MYRIP: variants seen among roughly 807,000 people sequenced by gnomAD.
MYRIP encodes myosin VIIA and Rab interacting protein.
MYRIP carries 49 observed loss-of-function variants against 98.0 expected under a neutral mutation model. That is an observed-to-expected ratio of 0.50 (90% CI 0.40 to 0.63). The LOEUF (loss-of-function observed/expected upper bound fraction) is 0.63. Ranked by LOEUF, MYRIP falls within the 30% of genes least tolerant of loss-of-function variation. The probability of loss-of-function intolerance (pLI) is 0.00; values close to 1 mark genes in which losing one functional copy is unlikely to be tolerated. For synonymous variants in MYRIP, 404 were observed against 409.5 expected, an observed-to-expected ratio of 0.99 and a Z score of 0.16; for missense variants, 1,004 against 1,058.2, an observed-to-expected ratio of 0.95 and a Z score of 0.71.
In MYRIP at chr3:39,969,534, G is replaced by T. The variant is rs138572891; in HGVS notation, c.110+68608G>T. ...TTATTGAGAGTTTTTAATATGAAGGGGTATTGAATTTTATTGAAAGCTTTT... is the reference window on the plus strand; with the variant it reads ...TTATTGAGAGTTTTTAATATGAAGGTGTATTGAATTTTATTGAAAGCTTTT... On this transcript the variant is annotated intron_variant, in intron 2 of 16. Transcript: ENST00000302541. Among the ~76,000 whole-genome samples the T allele has an allele frequency of 1.1e-4, 16 of 152,000 alleles. No individual in the cohort carries two copies. In the East Asian group the frequency reaches 2.5e-3, roughly 24 times the overall value.
chr3:39,933,637 A>G (rs141958472), intron 2 of MYRIP, among the ~76,000 whole-genome samples: 125 of 152,340 alleles, frequency 8.2e-4, no homozygotes, highest in African/African-American at 2.1e-3. Flanking sequence ...ACGACATCTC[A>G]TAAACTTGAC....
chr3:40,001,200 G>T (rs529784923), intron 2 of MYRIP, among the ~76,000 whole-genome samples: 2 of 152,270 alleles, frequency 1.3e-5, no homozygotes, highest in African/African-American at 4.8e-5. Context: ...GAAATGAAAA[G>T]AAGAGATATT....
At chr3:40,140,416 A>G (rs1046797446) in intron 3 of MYRIP, among the ~76,000 whole-genome samples, 2 of 152,196 alleles carry the variant, frequency 1.3e-5, no homozygotes, top group East Asian at 1.9e-4. Context: ...TACTGCTGCA[A>G]TAAACATGGG....
chr3:40,209,582 T>C (rs951153453), intron 10 of MYRIP, among the ~76,000 whole-genome samples: 2 of 151,648 alleles, frequency 1.3e-5, no homozygotes, highest in African/African-American at 4.8e-5. Flanking sequence ...GTGCTGCCCA[T>C]GGTAGGAGCT....
intron 2 of MYRIP, among the ~76,000 whole-genome samples, chr3:39,918,487 A>G (rs1944226655): frequency 6.6e-6 from 1 of 152,130 alleles, no homozygotes; most frequent in African/African-American, 2.4e-5. Flanking sequence ...AGTATCCCGC[A>G]ACCACCTGGG....
intron 12 of MYRIP, among the ~76,000 whole-genome samples, chr3:40,241,479 A>T (rs1314216071): frequency 2.0e-5 from 3 of 152,222 alleles, no homozygotes; most frequent in Admixed American, 6.5e-5. Flanking sequence ...TAATTCATGG[A>T]AGCCACATCC....
chr3:40,150,996 A>AG, intron 3 of MYRIP, 52 bp from the exon 4 acceptor site: 1 of 1,469,918 alleles, frequency 6.8e-7, no homozygotes, highest in East Asian at 2.5e-5. Flanking sequence ...CAGTTTTGCA[A>AG]TTCACCATTT....
chr3:39,865,511 G>A (rs1040857691), intron 1 of MYRIP, among the ~76,000 whole-genome samples: 27 of 152,036 alleles, frequency 1.8e-4, no homozygotes, highest in Admixed American at 1.2e-3. Flanking sequence ...AAAGGTAGGC[G>A]AAGGATATTA....
chr3:40,010,013 A>G (rs13319263), intron 2 of MYRIP, among the ~76,000 whole-genome samples: 15,359 of 152,178 alleles, frequency 0.1, 1,350 homozygotes, highest in African/African-American at 0.23. Flanking sequence ...GCCTAGGGAG[A>G]AAATGCTGTC....
intron 10 of MYRIP, among the ~76,000 whole-genome samples, chr3:40,201,776 G>A (rs759336876): frequency 3.3e-5 from 5 of 152,146 alleles, no homozygotes; most frequent in Non-Finnish European, 7.3e-5. Context: ...GTATGTGTCT[G>A]GGTGCTGTTA....
At chr3:40,067,456 T>C (rs1018357845) in intron 3 of MYRIP, among the ~76,000 whole-genome samples, 1 of 152,154 alleles carries the variant, frequency 6.6e-6, no homozygotes, top group Non-Finnish European at 1.5e-5. Context: ...TCTGGTGCAG[T>C]GGGGCCAGGC....
Position 40,203,983 on chromosome 3 carries a change from A to T in MYRIP, c.1666-5871A>T, listed in dbSNP as rs1575627784. ...TATATACATTATATATATTATATAT[A>T]ATATATATTATATATATTATATATT... On this transcript the variant is annotated intron_variant, in intron 10 of 16. Transcript: ENST00000302541. Among the ~76,000 whole-genome samples, 5 of 1,628 alleles carry T rather than the reference A, an allele frequency of 3.1e-3. 2 individuals carry two copies. The highest frequency in any genetic ancestry group is 4.3e-3 in the Non-Finnish European group (3 of 702). 1.1% of individuals were successfully genotyped at this position (1,628 alleles called of 152,430 possible). A position where few individuals can be genotyped will look rare whatever the true frequency, so the allele number is the denominator to read the frequency against.
At chr3:39,848,590 T>C (rs745789692) in intron 1 of MYRIP, among the ~76,000 whole-genome samples, 15 of 152,210 alleles carry the variant, frequency 9.9e-5, no homozygotes, top group Non-Finnish European at 1.5e-4. Context: ...GCATGACACA[T>C]GTAAGAAAGG....
chr3:39,977,471 C>A (rs1234943831), intron 2 of MYRIP, among the ~76,000 whole-genome samples: 1 of 152,184 alleles, frequency 6.6e-6, no homozygotes, highest in East Asian at 1.9e-4. Context: ...TTCTCTGATG[C>A]ATTCCCAACC....
intron 3 of MYRIP, among the ~76,000 whole-genome samples, chr3:40,108,074 GAAGGA>G (rs1949084541): frequency 6.6e-6 from 1 of 152,178 alleles, no homozygotes; most frequent in East Asian, 1.9e-4. Context: ...GTGGGAGACA[GAAGGA>G]AAGTGTTAGC....
At chr3:40,124,338 C>A (rs577119332) in intron 3 of MYRIP, among the ~76,000 whole-genome samples, 1 of 152,342 alleles carries the variant, frequency 6.6e-6, no homozygotes, top group South Asian at 2.1e-4. Context: ...TCCAAAGGCC[C>A]CTTTTGAATG....
At chr3:40,246,575 G>A (rs922846263) in intron 13 of MYRIP, among the ~76,000 whole-genome samples, 4 of 152,022 alleles carry the variant, frequency 2.6e-5, no homozygotes, top group African/African-American at 9.7e-5. Context: ...ACATTGTGAG[G>A]GTGACGGAAG....
At chr3:39,845,697 A>C (rs1209076676) in intron 1 of MYRIP, among the ~76,000 whole-genome samples, 1 of 152,058 alleles carries the variant, frequency 6.6e-6, no homozygotes, top group Non-Finnish European at 1.5e-5. Context: ...CTAGTAATTG[A>C]CTGGAGGTGG....
At chr3:40,253,891 A>T (rs921950096) in intron 16 of MYRIP, among the ~76,000 whole-genome samples, 1 of 152,172 alleles carries the variant, frequency 6.6e-6, no homozygotes, top group African/African-American at 2.4e-5. Context: ...GGTTTGATAT[A>T]AGAGAAATGA....
Sources: allele counts gnomAD v4.1 joint callset (sites outside exome capture counted in the v4.1 genomes callset), GRCh38; gene constraint gnomAD v4.1.1; transcripts MANE v1.5; gene names NCBI Gene and HGNC (gene_info 2026-07-23, HGNC 2026-07-21).